The following DLG2 variants were observed in gnomAD, a reference collection of about 807,000 sequenced individuals.
DLG2 encodes the protein discs large MAGUK scaffold protein 2.
Under a neutral mutation model 132.5 loss-of-function variants are expected in DLG2, and 45 were observed. That is an observed-to-expected ratio of 0.34 (90% CI 0.27 to 0.44). The LOEUF (loss-of-function observed/expected upper bound fraction) is 0.44, where lower values mean the gene tolerates loss of function less well. Ranked by LOEUF, DLG2 falls within the 20% of genes least tolerant of loss-of-function variation. The probability of loss-of-function intolerance (pLI) is 1.00; values close to 1 mark genes in which losing one functional copy is unlikely to be tolerated. For synonymous variants in DLG2, 424 were observed against 419.6 expected, an observed-to-expected ratio of 1.01 and a Z score of -0.13; for missense variants, 1,045 against 1,196.9, an observed-to-expected ratio of 0.87 and a Z score of 1.87.
At chr11:83,649,309 GC>G (rs1452654373) in intron 18 of DLG2, among the ~76,000 whole-genome samples, 3 of 152,026 alleles carry the variant, frequency 2.0e-5, no homozygotes, top group African/African-American at 7.3e-5. Context: ...TGCCCCACTA[GC>G]CCCCAGCTTC....
At position 84,502,412 on chromosome 11, in the gene DLG2, T is replaced by TTCTTTCCTC. The variant is rs1567807647; in HGVS notation, c.519+32157_519+32158insGAGGAAAGA. Among the ~76,000 whole-genome samples, 161 of 115,610 alleles carry TTCTTTCCTC rather than the reference T, an allele frequency of 1.4e-3. 33 individuals are homozygous for TTCTTTCCTC. Among genetic ancestry groups the TTCTTTCCTC allele is most frequent in the African/African-American group, 5.7e-3 (149 of 25,926 alleles). The allele number at this position is 115,610 out of a possible 152,430, so 75.8% of individuals were successfully genotyped here. ...TTTCTTTCTTTCTTTCTTTCTTTCT[T>TTCTTTCCTC]TCTATACAGAGTCTCATGCTGTCAC... is the stretch of plus-strand genomic sequence containing the variant. On this transcript the variant is annotated intron_variant, in intron 7 of 27. Coordinates refer to ENST00000376104, the MANE Select transcript of DLG2 (RefSeq NM_001142699.3).
At chr11:84,512,783 T>A (rs10898252) in intron 7 of DLG2, among the ~76,000 whole-genome samples, 9 of 151,712 alleles carry the variant, frequency 5.9e-5, no homozygotes, top group African/African-American at 1.9e-4. Flanking sequence ...GTGGCACGTA[T>A]ACACCATGGA....
At chr11:84,088,005 G>T (rs1164521731) in intron 10 of DLG2, among the ~76,000 whole-genome samples, 1 of 152,156 alleles carries the variant, frequency 6.6e-6, no homozygotes, top group Non-Finnish European at 1.5e-5. Context: ...AGTTGTAGGA[G>T]TTTTATTACA....
chr11:83,536,459 C>G (rs1201843910), intron 20 of DLG2, among the ~76,000 whole-genome samples: 1 of 152,076 alleles, frequency 6.6e-6, no homozygotes, highest in African/African-American at 2.4e-5. Flanking sequence ...GCTTCCTCAT[C>G]TGCCTCAGCC....
intron 22 of DLG2, chr11:83,480,580 C>T: frequency 1.3e-6 from 2 of 1,550,356 alleles, no homozygotes; most frequent in Non-Finnish European, 1.7e-6. Flanking sequence ...AAGATGAAAA[C>T]TTTATCTCCA....
At chr11:84,260,149 T>C (rs1422437154) in intron 7 of DLG2, among the ~76,000 whole-genome samples, 5 of 152,182 alleles carry the variant, frequency 3.3e-5, no homozygotes, top group African/African-American at 4.8e-5. Flanking sequence ...CCCTTTTTTT[T>C]CTAGTGCAGA....
intron 6 of DLG2, among the ~76,000 whole-genome samples, chr11:85,031,735 C>A (rs764210395): frequency 4.6e-5 from 7 of 152,032 alleles, no homozygotes; most frequent in African/African-American, 1.7e-4. Flanking sequence ...GAATTGGAGT[C>A]TCTGTGTTAA....
rs930336621 is a variant in DLG2, at chr11:84,950,756, A to T, written c.357+160905T>A. 5.3e-5 allele frequency among the ~76,000 whole-genome samples: 8 copies of T among 152,070 alleles called. 1 individual carries two copies. The highest frequency in any genetic ancestry group is 3.9e-4 in the Admixed American group (6 of 15,252). ...ACACACACACACACGCACCCCTCCCACAAGCCTACATGCCTATCTGCGGAT... is the reference window on the plus strand; with the variant it reads ...ACACACACACACACGCACCCCTCCCTCAAGCCTACATGCCTATCTGCGGAT... On this transcript the variant is annotated intron_variant, in intron 6 of 27. Transcript: ENST00000376104.
chr11:84,643,234 G>A (rs1435252222), intron 6 of DLG2, among the ~76,000 whole-genome samples: 1 of 152,174 alleles, frequency 6.6e-6, no homozygotes, highest in East Asian at 1.9e-4. Context: ...GTCTGTCCAG[G>A]AAGGCCTACT....
At chr11:84,393,440 T>A (rs2098799982) in intron 7 of DLG2, among the ~76,000 whole-genome samples, 1 of 152,172 alleles carries the variant, frequency 6.6e-6, no homozygotes, top group African/African-American at 2.4e-5. Context: ...ATAGTTATGT[T>A]CTTGTTTTTC....
chr11:84,668,073 C>T (rs1565609231), intron 6 of DLG2, among the ~76,000 whole-genome samples: 1 of 152,050 alleles, frequency 6.6e-6, no homozygotes, highest in Non-Finnish European at 1.5e-5. Context: ...TAAAAGTTAA[C>T]CACTTTGAGT....
In DLG2 at chr11:84,314,067, T is replaced by C. The variant is rs375460438; in HGVS notation, c.520-62776A>G. Among the ~76,000 whole-genome samples the C allele has an allele frequency of 1.4e-3, 206 of 152,260 alleles. 1 individual carries two copies. The South Asian group carries it at 0.015, about 11-fold the overall frequency. On this transcript the variant is annotated intron_variant, in intron 7 of 27. Coordinates refer to ENST00000376104, the MANE Select transcript of DLG2 (RefSeq NM_001142699.3). ...ATAACAGGAGTTTGGAAAAGAGCCT[T>C]AGGAGGAACTCAAGTCATTACTATG... is the stretch of plus-strand genomic sequence containing the variant.
At chr11:83,782,879 T>C (rs560324956) in intron 18 of DLG2, among the ~76,000 whole-genome samples, 9 of 152,206 alleles carry the variant, frequency 5.9e-5, no homozygotes, top group African/African-American at 1.4e-4. Context: ...GGGGTACCTG[T>C]GGGTGCACAT....
At chr11:84,409,027 G>T (rs2098879977) in intron 7 of DLG2, among the ~76,000 whole-genome samples, 1 of 152,018 alleles carries the variant, frequency 6.6e-6, no homozygotes, top group South Asian at 2.1e-4. Context: ...ATTTACAAAG[G>T]CCTTCAATGA....
At chr11:84,763,978 T>C (rs1002069401) in intron 6 of DLG2, among the ~76,000 whole-genome samples, 2 of 152,146 alleles carry the variant, frequency 1.3e-5, no homozygotes, top group African/African-American at 2.4e-5. Flanking sequence ...ATAGATATTA[T>C]TTAGATGCAT....
intron 18 of DLG2, among the ~76,000 whole-genome samples, chr11:83,735,555 G>C (rs2091789134): frequency 6.6e-6 from 1 of 152,128 alleles, no homozygotes; most frequent in Non-Finnish European, 1.5e-5. Flanking sequence ...AACTCTTGGT[G>C]ACACATAATT....
At chr11:84,847,478 C>A (rs1362117271) in intron 6 of DLG2, among the ~76,000 whole-genome samples, 1 of 151,980 alleles carries the variant, frequency 6.6e-6, no homozygotes, top group Admixed American at 6.6e-5. Context: ...ACAATAAATA[C>A]CAATAGCTAT....
chr11:83,721,882 T>G (rs2088676482), intron 18 of DLG2, among the ~76,000 whole-genome samples: 1 of 152,166 alleles, frequency 6.6e-6, no homozygotes, highest in Non-Finnish European at 1.5e-5. Context: ...CAAAAAAATT[T>G]ACATTGAAGA....
At chr11:85,471,103 C>T (rs1260689751) in intron 3 of DLG2, among the ~76,000 whole-genome samples, 7 of 151,992 alleles carry the variant, frequency 4.6e-5, no homozygotes, top group Admixed American at 6.6e-5. Context: ...ATAAACTGCC[C>T]GAATCATAAT....
Sources: gnomAD v4.1 joint callset for allele counts (sites outside exome capture counted in the v4.1 genomes callset) on GRCh38, gnomAD v4.1.1 for gene constraint, MANE v1.5 for transcripts, NCBI Gene and HGNC (gene_info 2026-07-23, HGNC 2026-07-21) for gene names.